Variants in TNRC18 observed in about 807,000 individuals in gnomAD.
The protein encoded by TNRC18 is trinucleotide repeat-containing gene 18 protein.
Under a neutral mutation model 226.7 loss-of-function variants are expected in TNRC18, and 69 were observed. That is an observed-to-expected ratio of 0.30 (90% CI 0.25 to 0.37). TNRC18 has a LOEUF of 0.37. Among genes scored for constraint, TNRC18 ranks in the 10% least tolerant of loss-of-function variants. The probability of loss-of-function intolerance (pLI) is 1.00; values close to 1 mark genes in which losing one functional copy is unlikely to be tolerated. For synonymous variants in TNRC18, 2,449 were observed against 1,927.6 expected, an observed-to-expected ratio of 1.27 and a Z score of -7.09; for missense variants, 4,754 against 4,256.6, an observed-to-expected ratio of 1.12 and a Z score of -3.25.
At position 5,377,457 on chromosome 7, in the gene TNRC18, G is replaced by A. The variant is rs755007032; in HGVS notation, c.2375C>T (p.Ser792Phe). ...GPALAGSGRWSADPAAHLATH... is the reference protein window; with the variant it reads ...GPALAGSGRWFADPAAHLATH... ...GGCCAGATGGGCTGCGGGGTCGGCA[G>A]ACCAGCGACCTGAGCCCGCCAGCGC... is the stretch of plus-strand genomic sequence containing the variant. The change falls in exon 7 of 30, where the codon TCT becomes TTT. Residue 792 changes from serine (S) to phenylalanine (F), a missense_variant. Physicochemically the swap from Ser to Phe is radical, Grantham distance 155. Coordinates refer to ENST00000430969, the MANE Select transcript of TNRC18 (RefSeq NM_001080495.3). This position sits in a 1 kb window ranked among gnomAD's most constrained non-coding sequence, Gnocchi z 5.8. 2.5e-6 allele frequency: 4 copies of A among 1,581,698 alleles called. No homozygotes were observed. Among genetic ancestry groups the A allele is most frequent in the Non-Finnish European group, 3.4e-6 (4 of 1,165,336 alleles).
At position 5,389,153 on chromosome 7, in the gene TNRC18, T is replaced by C; in HGVS notation, c.671A>G (p.Asp224Gly). 1.5e-6 allele frequency: 2 copies of C among 1,326,168 alleles called. No individual in the cohort carries two copies. Among genetic ancestry groups the C allele is most frequent in the Non-Finnish European group, 1.9e-6 (2 of 1,038,472 alleles). 82.2% of individuals were successfully genotyped at this position (1,326,168 alleles called of 1,614,324 possible). A position where few individuals can be genotyped will look rare whatever the true frequency, so the allele number is the denominator to read the frequency against. The change falls in exon 5 of 30, where the codon GAC becomes GGC. Residue 224 changes from aspartate to glycine, a missense_variant. Transcript: ENST00000430969. The part of the protein sequence containing the change: ...GEPPPLFGKK[D>G]PRARGEEASG... Reference sequence around the variant, plus strand: ...GGCCTCCTCGCCCCGGGCGCGCGGGTCCTTCTTGCCGAAAAGCGGAGGCGG... The same window carrying C: ...GGCCTCCTCGCCCCGGGCGCGCGGGCCCTTCTTGCCGAAAAGCGGAGGCGG...
At chr7:5,374,508 G>A (rs1002593822) in intron 9 of TNRC18, 24 bp from the exon 10 acceptor site, 2 of 1,535,752 alleles carry the variant, frequency 1.3e-6, no homozygotes, top group Middle Eastern at 1.8e-4. Context: ...GGCAGGCAGG[G>A]TCAGCACGGC....
At chr7:5,310,962 G>C (rs1051585953) in intron 27 of TNRC18, among the ~76,000 whole-genome samples, 2 of 152,232 alleles carry the variant, frequency 1.3e-5, no homozygotes, top group African/African-American at 4.8e-5. Context: ...GTGTGTGCAC[G>C]TGTACTCGTG....
At chr7:5,387,365 G>A (rs1779869402) in intron 5 of TNRC18, among the ~76,000 whole-genome samples, 1 of 152,204 alleles carries the variant, frequency 6.6e-6, no homozygotes, top group Non-Finnish European at 1.5e-5. Flanking sequence ...TTTGATATTT[G>A]TCTATTCCCA....
intron 26 of TNRC18, among the ~76,000 whole-genome samples, chr7:5,314,634 G>A (rs544442504): frequency 7.1e-6 from 1 of 141,284 alleles, no homozygotes; most frequent in South Asian, 2.2e-4. Flanking sequence ...GTGTAATGGT[G>A]CGATCTTGGC....
intron 19 of TNRC18, among the ~76,000 whole-genome samples, chr7:5,326,314 T>A (rs1158341595): frequency 1.3e-5 from 2 of 152,034 alleles, no homozygotes; most frequent in African/African-American, 4.8e-5. Flanking sequence ...TCAACATGAC[T>A]GATACATATG....
intron 16 of TNRC18, 150 bp downstream of exon 16, chr7:5,356,766 T>A: frequency 8.7e-7 from 1 of 1,147,386 alleles, no homozygotes; most frequent in Non-Finnish European, 1.2e-6. Flanking sequence ...TTGGAGGCCA[T>A]GCCAAGCTCA....
Position 5,377,959 on chromosome 7 carries a change from C to T in TNRC18, c.2218G>A (p.Gly740Arg), listed in dbSNP as rs371993213. 4.7e-5 allele frequency: 76 copies of T among 1,613,614 alleles called. No homozygotes were observed. The African/African-American group carries it at 6.3e-4, about 13-fold the overall frequency. ...RARHREERLL[G>R]ARLDRDQEKL... Reference sequence around the variant, plus strand: ...TCCTGATCCCGGTCCAGCCGTGCCCCGAGCAGCCGTTCCTCCCGGTGTCTG... The same window carrying T: ...TCCTGATCCCGGTCCAGCCGTGCCCTGAGCAGCCGTTCCTCCCGGTGTCTG... Residue 740 changes from glycine (G) to arginine (R), a missense_variant, in exon 6 of 30, where the codon GGG becomes AGG. Transcript: ENST00000430969. The surrounding 1 kb of genome is among the most constrained non-coding windows in gnomAD (Gnocchi z 5.8).
intron 2 of TNRC18, among the ~76,000 whole-genome samples, chr7:5,397,376 T>A (rs1431484803): frequency 6.6e-6 from 1 of 152,144 alleles, no homozygotes; most frequent in Non-Finnish European, 1.5e-5. Context: ...TGCCCGGGCT[T>A]GTGAAACCCG....
At chr7:5,417,155 TAAAA>T (rs571589226) in intron 2 of TNRC18, among the ~76,000 whole-genome samples, 24 of 112,528 alleles carry the variant, frequency 2.1e-4, no homozygotes, top group Non-Finnish European at 4.1e-4. Flanking sequence ...ACCCTGTCTC[TAAAA>T]AAAAAAAAAT....
chr7:5,307,679 G>A lies in TNRC18; in HGVS notation c.*427C>T. Reference sequence around the variant, plus strand: ...GGTGGGCTCCATGCTAAGGGTGCTTGGGAAGCCCAGAGTGAGCGTCAGTTT... The same window carrying A: ...GGTGGGCTCCATGCTAAGGGTGCTTAGGAAGCCCAGAGTGAGCGTCAGTTT... On this transcript the variant is annotated 3_prime_UTR_variant, in exon 30 of 30. Coordinates refer to ENST00000430969, the MANE Select transcript of TNRC18 (RefSeq NM_001080495.3). The A allele has an allele frequency of 2.9e-6, 1 of 340,210 alleles. No homozygotes were observed. The highest frequency in any genetic ancestry group is 5.9e-6 in the Non-Finnish European group (1 of 169,614). 21.1% of individuals were successfully genotyped at this position (340,210 alleles called of 1,614,324 possible). A position where few individuals can be genotyped will look rare whatever the true frequency, so the allele number is the denominator to read the frequency against.
intron 18 of TNRC18, among the ~76,000 whole-genome samples, chr7:5,341,679 G>A (rs530096970): frequency 2.0e-4 from 30 of 148,706 alleles, no homozygotes; most frequent in South Asian, 1.3e-3. Context: ...CAGAAAAATC[G>A]CTTGAACCTG....
At chr7:5,330,584 G>C (rs1473331645) in intron 19 of TNRC18, among the ~76,000 whole-genome samples, 1 of 152,032 alleles carries the variant, frequency 6.6e-6, no homozygotes, top group African/African-American at 2.4e-5. Flanking sequence ...CGGTTCATAG[G>C]AGAAACCCAC....
intron 27 of TNRC18, among the ~76,000 whole-genome samples, chr7:5,310,646 C>G (rs753991889): frequency 5.5e-4 from 84 of 151,996 alleles, no homozygotes; most frequent in Non-Finnish European, 9.9e-4. Flanking sequence ...GTGATCCTCC[C>G]GCCTGGGCCT....
chr7:5,340,061 C>T (rs117316204), intron 18 of TNRC18, among the ~76,000 whole-genome samples: 179 of 152,292 alleles, frequency 1.2e-3, no homozygotes, highest in Non-Finnish European at 1.5e-3. Flanking sequence ...AGTCACATGT[C>T]TCTCACTTTA....
intron 5 of TNRC18, among the ~76,000 whole-genome samples, chr7:5,385,069 C>G (rs11766057): frequency 0.85 from 128,869 of 152,338 alleles, 55,114 homozygotes; most frequent in East Asian, 1. Flanking sequence ...GTGGCTCCAC[C>G]GGGAGGTGAA....
Position 5,364,797 on chromosome 7 carries a change from G to A in TNRC18, c.4220-1972C>T, listed in dbSNP as rs1271082272. Among the ~76,000 whole-genome samples, 7 of 128,750 alleles carry A rather than the reference G, an allele frequency of 5.4e-5. No homozygotes were observed. The East Asian group carries it at 1.4e-3, about 26-fold the overall frequency. 84.5% of individuals were successfully genotyped at this position (128,750 alleles called of 152,430 possible). A position where few individuals can be genotyped will look rare whatever the true frequency, so the allele number is the denominator to read the frequency against. On this transcript the variant is annotated intron_variant, in intron 11 of 29. Transcript: ENST00000430969. Reference sequence around the variant, plus strand: ...CCAGCCTGGGCAACAGAGGGAGGCTGTCTCAGGAAAAAAAAAAAAAAAAAA... The same window carrying A: ...CCAGCCTGGGCAACAGAGGGAGGCTATCTCAGGAAAAAAAAAAAAAAAAAA...
chr7:5,345,517 G>GCCCACCCCCCCCCCCCCCCCC, intron 18 of TNRC18, 45 bp downstream of exon 18: 1 of 377,744 alleles, frequency 2.6e-6, no homozygotes, highest in Non-Finnish European at 4.8e-6. Flanking sequence ...AATGGCGTCC[G>GCCCACCCCCCCCCCCCCCCCC]CCCCTCCCAC....
rs1794063028 is a variant in TNRC18 at position 5,370,727 on chromosome 7, G to A, written c.3867C>T (p.Pro1289=). Residue 1289 remains proline (P), a synonymous_variant, in exon 11 of 30, where the codon CCC becomes CCT. Coordinates refer to ENST00000430969, the MANE Select transcript of TNRC18 (RefSeq NM_001080495.3). ...LAQVAPSESQ[P]TLEMSDCDVP... is the part of the protein sequence containing the mutation. ...CGTCACAGTCTGACATTTCTAGGGTGGGCTGGGACTCGCTCGGTGCCACCT... is the reference window on the plus strand; with the variant it reads ...CGTCACAGTCTGACATTTCTAGGGTAGGCTGGGACTCGCTCGGTGCCACCT... 3 of 1,607,876 alleles carry A rather than the reference G, an allele frequency of 1.9e-6. No individual in the cohort carries two copies. The highest frequency in any genetic ancestry group is 1.7e-6 in the Non-Finnish European group (2 of 1,177,728).
Sources: allele counts gnomAD v4.1 joint callset (sites outside exome capture counted in the v4.1 genomes callset), GRCh38; gene constraint gnomAD v4.1.1; non-coding constraint Gnocchi (gnomAD v3.1); transcripts MANE v1.5; gene names NCBI Gene and HGNC (gene_info 2026-07-23, HGNC 2026-07-21).